ATP5F1A: variants seen among roughly 807,000 people sequenced by gnomAD.
ATP5F1A encodes ATP synthase F1 subunit alpha, also known as ATP synthase F(1) complex subunit alpha, mitochondrial.
A neutral mutation model predicts 57.4 loss-of-function variants in ATP5F1A; 24 were observed. The ratio of observed to expected loss-of-function variants is 0.42; its 90% confidence interval spans 0.30 to 0.59. The LOEUF (loss-of-function observed/expected upper bound fraction) is 0.59. ATP5F1A is among the 20% of genes least tolerant of loss of function. ATP5F1A has a pLI of 0.19. For missense variants in ATP5F1A, 494 were observed against 707.9 expected (o/e 0.70, Z 3.43); for synonymous variants, 251 against 255.5 (o/e 0.98, Z 0.17).
chr18:46,100,251 T>TAAAAAAAAAAAAAAAAAAAAAAAAAA (rs34683117), upstream of ATP5F1A, among the ~76,000 whole-genome samples: 2 of 68,670 alleles, frequency 2.9e-5, no homozygotes, highest in African/African-American at 5.4e-5. Flanking sequence ...AAACTCCATC[T>TAAAAAAAAAAAAAAAAAAAAAAAAAA]AAAAAAAAAA....
chr18:46,090,038 G>A (rs763159063), intron 3 of ATP5F1A, 42 bp from the exon 4 acceptor site: 2 of 1,228,428 alleles, frequency 1.6e-6, no homozygotes, highest in South Asian at 3.1e-5. Flanking sequence ...AGCTGAATGG[G>A]CACTCCTCCC....
chr18:46,102,493 T>G (rs1911305215), upstream of ATP5F1A, among the ~76,000 whole-genome samples: 1 of 151,966 alleles, frequency 6.6e-6, no homozygotes, highest in Admixed American at 6.6e-5. Flanking sequence ...CTGGCTAATT[T>G]TTGTATTTTT....
upstream of ATP5F1A, among the ~76,000 whole-genome samples, chr18:46,100,530 A>G (rs757737597): frequency 6.6e-6 from 1 of 152,120 alleles, no homozygotes; most frequent in Non-Finnish European, 1.5e-5. Context: ...GGTTCACTTG[A>G]GCCCAGGAGT....
Position 46,091,774 on chromosome 18 carries a change from G to C in ATP5F1A, c.217C>G (p.Arg73Gly). The change falls in exon 3 of 12, where the codon CGT becomes GGT. Residue 73 changes from arginine to glycine, a missense_variant. By Grantham distance (125) the Arg-to-Gly change is moderately radical. Transcript: ENST00000398752. ...ATACCATCACCAATACTTAAGACAC[G>C]CCCAGTTTCTTCAAGATCAACAGAG... ...DTSVDLEETG[R>G]VLSIGDGIAR... The C allele has an allele frequency of 3.7e-6, 6 of 1,613,668 alleles. No homozygotes were observed. The highest frequency in any genetic ancestry group is 4.2e-6 in the Non-Finnish European group (5 of 1,179,920).
At position 46,085,808 on chromosome 18, in the gene ATP5F1A, C is replaced by A. The variant is rs1910042481; in HGVS notation, c.1429+305G>T. On this transcript the variant is annotated intron_variant, in intron 10 of 11. Transcript: ENST00000398752. Reference sequence around the variant, plus strand: ...ATTAGTCGGGCGTGGTGGCTCACACCTGTAATCCGAGCTACTAAGGAGGCT... The same window carrying A: ...ATTAGTCGGGCGTGGTGGCTCACACATGTAATCCGAGCTACTAAGGAGGCT... 1.7e-5 allele frequency: 5 copies of A among 295,376 alleles called. No individual in the cohort carries two copies. In the South Asian group the frequency reaches 1.9e-4, roughly 11 times the overall value. The allele number at this position is 295,376 out of a possible 1,614,324, so 18.3% of individuals were successfully genotyped here.
At chr18:46,103,543 G>C (rs1483301847) in intron 1 of ATP5F1A, among the ~76,000 whole-genome samples, 2 of 147,086 alleles carry the variant, frequency 1.4e-5, no homozygotes, top group African/African-American at 5.0e-5. Context: ...AGAGGTGGCA[G>C]TGAGCTGAGA....
rs770400175 is a variant in ATP5F1A, at chr18:46,088,118, T to C, written c.790A>G (p.Thr264Ala). 1.6e-5 allele frequency: 25 copies of C among 1,596,412 alleles called. No individual in the cohort carries two copies. Among genetic ancestry groups the C allele is most frequent in the Non-Finnish European group, 2.1e-5 (25 of 1,176,658 alleles). The change falls in exon 6 of 12, where the codon ACA becomes GCA. Residue 264 changes from threonine (T) to alanine (A), a missense_variant. Thr to Ala is a moderately conservative substitution (Grantham distance 58). Transcript: ENST00000398752. ...AAATTTCTTTTAATACCTGCATCTG[T>C]AAGTCTCTTCACCAACTGGGCAACA... ...STVAQLVKRL[T>A]DADAMKYTIV...
At chr18:46,101,595 C>T (rs992201282), upstream of ATP5F1A, among the ~76,000 whole-genome samples, 1 of 151,352 alleles carries the variant, frequency 6.6e-6, no homozygotes, top group Non-Finnish European at 1.5e-5. Flanking sequence ...AAAACAACAA[C>T]AACAATAACA....
chr18:46,084,874 C>T (rs567676252), intron 10 of ATP5F1A: 6 of 462,380 alleles, frequency 1.3e-5, no homozygotes, highest in East Asian at 7.2e-5. Context: ...GAGGCATAAT[C>T]TTTCAGTATA....
intron 2 of ATP5F1A, among the ~76,000 whole-genome samples, chr18:46,093,743 G>C (rs1910731672): frequency 6.6e-6 from 1 of 151,852 alleles, no homozygotes; most frequent in Non-Finnish European, 1.5e-5. Context: ...AGAATCACTT[G>C]AACCTGGGAG....
intron 1 of ATP5F1A, among the ~76,000 whole-genome samples, chr18:46,097,529 A>T (rs1229875292): frequency 6.6e-6 from 1 of 152,210 alleles, no homozygotes; most frequent in African/African-American, 2.4e-5. Context: ...ACTCTGCCGG[A>T]GAGACAATTT....
upstream of ATP5F1A, chr18:46,098,371 C>T: frequency 6.7e-6 from 8 of 1,188,352 alleles, no homozygotes; most frequent in South Asian, 1.6e-4. Flanking sequence ...CACCACCTCT[C>T]CCCCCGCCCC....
At position 46,098,010 on chromosome 18, in the gene ATP5F1A, G is replaced by A. The variant is rs1038848478; in HGVS notation, c.60+162C>T. ...CCTCTGCGCAGGTGACGAGCAAAAG[G>A]GCACCTGTGTCGCCTGCTCTGTCCA... On this transcript the variant is annotated intron_variant, in intron 1 of 11. Coordinates refer to ENST00000398752, the MANE Select transcript of ATP5F1A (RefSeq NM_004046.6). The A allele has an allele frequency of 8.5e-6, 12 of 1,413,610 alleles. No homozygotes were observed. In the Admixed American group the frequency reaches 2.1e-4, roughly 24 times the overall value. The allele number at this position is 1,413,610 out of a possible 1,614,324, so 87.6% of individuals were successfully genotyped here.
chr18:46,085,933 C>CA lies in ATP5F1A; in HGVS notation c.1429+179dup, dbSNP rs34456835. ...AGGCCGTAAGAATGAAACTTCGTCT[C>CA]AAAAAAAAAAAAAAATCAAAAATCA... On this transcript the variant is annotated intron_variant, in intron 10 of 11. Transcript: ENST00000398752. 197,873 of 590,336 alleles carry CA rather than the reference C, an allele frequency of 0.34. 9,436 individuals carry two copies. The highest frequency in any genetic ancestry group is 0.38 in the Middle Eastern group (759 of 1,990). The allele number at this position is 590,336 out of a possible 1,614,324, so 36.6% of individuals were successfully genotyped here.
In ATP5F1A at chr18:46,089,996, C is replaced by T. The variant is rs754973278; in HGVS notation, c.310G>A (p.Gly104Ser). The T allele has an allele frequency of 9.5e-6, 15 of 1,586,990 alleles. No homozygotes were observed. Among genetic ancestry groups the T allele is most frequent in the Non-Finnish European group, 1.3e-5 (15 of 1,167,590 alleles). ...EMVEFSSGLK[G>S]MSLNLEPDNV... The stretch of plus-strand genomic sequence containing the variant: ...TCAGGTTCCAAGTTCAAGGACATAC[C>T]CTGCACAAAAGACACAATTGAACAT... Residue 104 changes from glycine to serine, a missense_variant and splice_region_variant, in exon 4 of 12, where the codon GGT becomes AGT. Around this residue, in one of 6 missense-constraint regions of ATP5F1A, gnomAD observed 142 missense variants for 137.5 expected, o/e 1.03. Transcript: ENST00000398752.
chr18:46,092,169 A>T (rs931652586), intron 2 of ATP5F1A: 2 of 141,820 alleles, frequency 1.4e-5, no homozygotes, highest in Non-Finnish European at 1.5e-5. Flanking sequence ...AAGGGCAAAA[A>T]CTCCATCTCA....
rs753582462 is a variant in ATP5F1A at position 46,087,032 on chromosome 18, A to G, written c.1152T>C (p.Asn384=). 2 of 1,613,976 alleles carry G rather than the reference A, an allele frequency of 1.2e-6. No homozygotes were observed. Among genetic ancestry groups the G allele is most frequent in the Non-Finnish European group, 1.7e-6 (2 of 1,179,864 alleles). ...CCTGTCCGTCAGTGATGGAAATGAC[A>G]TTTGTTGGAATGTAAGCAGACACAT... ...AGDVSAYIPT[N]VISITDGQIF... Residue 384 remains asparagine, a synonymous_variant, in exon 8 of 12, where the codon AAT becomes AAC. Coordinates refer to ENST00000398752, the MANE Select transcript of ATP5F1A (RefSeq NM_004046.6).
upstream of ATP5F1A, chr18:46,098,472 C>A: frequency 8.0e-7 from 1 of 1,252,214 alleles, no homozygotes; most frequent in Non-Finnish European, 1.0e-6. Flanking sequence ...AGATATATTC[C>A]GGCTTTGGTC....
rs779014966 is a variant in ATP5F1A at position 46,089,955 on chromosome 18, G to T, written c.351C>A (p.Val117=). 2 of 1,610,412 alleles carry T rather than the reference G, an allele frequency of 1.2e-6. No homozygotes were observed. The highest frequency in any genetic ancestry group is 2.2e-5 in the South Asian group (2 of 90,398). The change falls in exon 4 of 12, where the codon GTC becomes GTA. Residue 117 remains valine (V), a synonymous_variant. Transcript: ENST00000398752. ...TAATTAGTTTATCATTTCCAAACAC[G>T]ACAACACCAACATTGTCAGGTTCCA... ...LNLEPDNVGV[V]VFGNDKLIKE...
Sources: allele counts gnomAD v4.1 joint callset (sites outside exome capture counted in the v4.1 genomes callset), GRCh38; gene constraint gnomAD v4.1.1; regional missense constraint gnomAD v4.1.1; transcripts MANE v1.5; gene names NCBI Gene and HGNC (gene_info 2026-07-23, HGNC 2026-07-21).